Variants in ITGA9 observed in about 807,000 individuals in gnomAD.
ITGA9 encodes the protein integrin alpha-9.
ITGA9 carries 56 observed loss-of-function variants against 127.8 expected under a neutral mutation model. That is an observed-to-expected ratio of 0.44 (90% CI 0.35 to 0.55). The LOEUF is 0.55. Ranked by LOEUF, ITGA9 falls within the 20% of genes least tolerant of loss-of-function variation. The pLI is 0.00. For missense variants in ITGA9, 1,196 were observed against 1,347.1 expected (o/e 0.89, Z 1.76); for synonymous variants, 508 against 514.5 (o/e 0.99, Z 0.17).
intron 16 of ITGA9, among the ~76,000 whole-genome samples, chr3:37,652,337 T>C (rs1700436958): frequency 6.6e-6 from 1 of 152,178 alleles, no homozygotes; most frequent in African/African-American, 2.4e-5. Flanking sequence ...TCCTGTTTTC[T>C]TCTTAGTTAA....
At chr3:37,497,614 A>G (rs1698744917) in intron 5 of ITGA9, among the ~76,000 whole-genome samples, 1 of 152,220 alleles carries the variant, frequency 6.6e-6, no homozygotes, top group Non-Finnish European at 1.5e-5. Context: ...TTTTCTAAAT[A>G]TATAGTTGGT....
intron 1 of ITGA9, among the ~76,000 whole-genome samples, chr3:37,457,663 C>A (rs1433731670): frequency 6.6e-6 from 1 of 152,196 alleles, no homozygotes; most frequent in Non-Finnish European, 1.5e-5. Flanking sequence ...AGCCTGCTTT[C>A]TCAAGCTCTC....
intron 17 of ITGA9, among the ~76,000 whole-genome samples, chr3:37,666,113 C>G (rs1032597343): frequency 6.6e-6 from 1 of 152,162 alleles, no homozygotes; most frequent in African/African-American, 2.4e-5. Flanking sequence ...AGGGGAGACA[C>G]ACATGAAAAC....
At chr3:37,519,230 T>A in intron 10 of ITGA9, 30 bp from the exon 11 acceptor site, 1 of 1,569,476 alleles carries the variant, frequency 6.4e-7, no homozygotes, top group Admixed American at 1.7e-5. Flanking sequence ...AATGTGGCTT[T>A]TTAACCCATA....
intron 9 of ITGA9, among the ~76,000 whole-genome samples, chr3:37,514,765 G>GT: frequency 6.6e-6 from 1 of 152,248 alleles, no homozygotes; most frequent in South Asian, 2.1e-4. Context: ...TAGAGATGGG[G>GT]TTTCACCATG....
intron 15 of ITGA9, among the ~76,000 whole-genome samples, chr3:37,573,835 G>C (rs76723069): frequency 1.4e-3 from 214 of 152,240 alleles, no homozygotes; most frequent in African/African-American, 5.0e-3. Context: ...GGCAGCAGTG[G>C]ACAAGGACAA....
At chr3:37,492,817 C>T (rs980220305) in intron 4 of ITGA9, among the ~76,000 whole-genome samples, 6 of 152,174 alleles carry the variant, frequency 3.9e-5, no homozygotes, top group Non-Finnish European at 1.5e-5. Context: ...CCAGACTTTT[C>T]ACATTTAATA....
At chr3:37,490,438 A>G (rs1335052999) in intron 4 of ITGA9, among the ~76,000 whole-genome samples, 2 of 152,350 alleles carry the variant, frequency 1.3e-5, no homozygotes, top group South Asian at 4.1e-4. Flanking sequence ...TTTATTTCAG[A>G]GCTAAGCTAA....
chr3:37,533,400 A>C lies in ITGA9; in HGVS notation c.1460A>C (p.Gln487Pro). The C allele has an allele frequency of 6.2e-7, 1 of 1,614,224 alleles. No homozygotes were observed. The highest frequency in any genetic ancestry group is 8.5e-7 in the Non-Finnish European group (1 of 1,180,042). The change falls in exon 14 of 28, where the codon CAG becomes CCG. Residue 487 changes from glutamine to proline, a missense_variant. By Grantham distance (76) the Gln-to-Pro change is moderately conservative (BLOSUM62 -1). Coordinates refer to ENST00000264741, the MANE Select transcript of ITGA9 (RefSeq NM_002207.3). ...GCGCCTCAGTGTCACGACGGACAGC[A>C]GCCTGTGAACTGCCTGAACGTCACC... is the stretch of plus-strand genomic sequence containing the variant. ...ITAPQCHDGQ[Q>P]PVNCLNVTTC... is the part of the protein sequence containing the mutation.
chr3:37,789,768 C>CAAAA lies in ITGA9; in HGVS notation c.2889+4713_2889+4716dup, dbSNP rs71635850. 9.6e-3 allele frequency among the ~76,000 whole-genome samples: 342 copies of CAAAA among 35,676 alleles called. 59 individuals carry two copies. Among genetic ancestry groups the CAAAA allele is most frequent in the African/African-American group, 0.038 (298 of 7,796 alleles). 23.4% of individuals were successfully genotyped at this position (35,676 alleles called of 152,430 possible). ...TGGGTGACAGAGTGAGACTCCGTCT[C>CAAAA]AAAAAAAAAAAAAAAAAAAAAAAAA... is the stretch of plus-strand genomic sequence containing the variant. On this transcript the variant is annotated intron_variant, in intron 26 of 27. Transcript: ENST00000264741.
chr3:37,594,922 C>G (rs1699854692), intron 15 of ITGA9, among the ~76,000 whole-genome samples: 2 of 152,120 alleles, frequency 1.3e-5, no homozygotes. Context: ...TCCCAAGTAG[C>G]TGGGACTACA....
chr3:37,782,512 T>C (rs1364573878), intron 25 of ITGA9, among the ~76,000 whole-genome samples: 3 of 152,210 alleles, frequency 2.0e-5, no homozygotes, highest in African/African-American at 7.2e-5. Context: ...TCAAGGCTCA[T>C]TCTCCATGTG....
chr3:37,653,718 T>C lies in ITGA9; in HGVS notation c.1844T>C (p.Val615Ala), dbSNP rs954408089. Residue 615 changes from valine (V) to alanine (A), a missense_variant, in exon 17 of 28, where the codon GTT becomes GCT. Physicochemically the swap from Val to Ala is moderately conservative, Grantham distance 64. Transcript: ENST00000264741. ...GQKIAQKNQT[V>A]FERNCRSEDC... ...CCTCTCCTGTCTTTCTCACAGACTGTTTTTGAAAGGAATTGCCGTTCAGAG... is the reference window on the plus strand; with the variant it reads ...CCTCTCCTGTCTTTCTCACAGACTGCTTTTGAAAGGAATTGCCGTTCAGAG... 1 of 1,612,968 alleles carries C rather than the reference T, an allele frequency of 6.2e-7. No individual in the cohort carries two copies. The highest frequency in any genetic ancestry group is 8.5e-7 in the Non-Finnish European group (1 of 1,179,004).
intron 23 of ITGA9, among the ~76,000 whole-genome samples, chr3:37,768,237 A>C (rs11921296): frequency 6.6e-6 from 1 of 152,028 alleles, no homozygotes; most frequent in Non-Finnish European, 1.5e-5. Context: ...ACCATGAATC[A>C]TGGTTTGCAT....
At chr3:37,773,895 A>G (rs1384122528) in intron 23 of ITGA9, among the ~76,000 whole-genome samples, 1 of 152,270 alleles carries the variant, frequency 6.6e-6, no homozygotes, top group Non-Finnish European at 1.5e-5. Context: ...TTAAAATTTT[A>G]TAAGAATGAT....
rs77148214 is a variant in ITGA9, at chr3:37,739,456, G to A, written c.2235-2274G>A. On this transcript the variant is annotated intron_variant, in intron 20 of 27. Transcript: ENST00000264741. ...ACAGCGCTTGACTCCCTGCTATGAC[G>A]GAAAGATCCTTAAAGCTCCTTATCT... 8.5e-3 allele frequency among the ~76,000 whole-genome samples: 1,291 copies of A among 152,266 alleles called. 15 individuals carry two copies. The highest frequency in any genetic ancestry group is 0.028 in the African/African-American group (1,166 of 41,542).
At position 37,526,006 on chromosome 3, in the gene ITGA9, T is replaced by TA. The variant is rs781706446; in HGVS notation, c.1328-20_1328-19insA. On this transcript the variant is annotated intron_variant, in intron 12 of 27. Coordinates refer to ENST00000264741, the MANE Select transcript of ITGA9 (RefSeq NM_002207.3). ...TGGGCTTCAGCAAGTTTCTGAACGCTGTAAACTTCTCATTTTCAGATGTCA... is the reference window on the plus strand; with the variant it reads ...TGGGCTTCAGCAAGTTTCTGAACGCTAGTAAACTTCTCATTTTCAGATGTCA... 2.5e-5 allele frequency: 40 copies of TA among 1,613,074 alleles called. No homozygotes were observed. The East Asian group carries it at 8.2e-4, about 33-fold the overall frequency.
intron 17 of ITGA9, among the ~76,000 whole-genome samples, chr3:37,667,169 A>G (rs1700593798): frequency 6.6e-6 from 1 of 152,168 alleles, no homozygotes. Context: ...TTATTCTGAA[A>G]TTCCAACAGG....
At chr3:37,742,302 C>G (rs544604000) in intron 21 of ITGA9, among the ~76,000 whole-genome samples, 1 of 152,146 alleles carries the variant, frequency 6.6e-6, no homozygotes, top group Admixed American at 6.5e-5. Context: ...TTTCTGTTAA[C>G]TCCCTCTGCA....
Sources: allele counts gnomAD v4.1 joint callset (sites outside exome capture counted in the v4.1 genomes callset), GRCh38; gene constraint gnomAD v4.1.1; transcripts MANE v1.5; gene names NCBI Gene and HGNC (gene_info 2026-07-23, HGNC 2026-07-21).